CRB1: variants seen among roughly 807,000 people sequenced by gnomAD.
CRB1 encodes the protein protein crumbs homolog 1.
A neutral mutation model predicts 120.0 loss-of-function variants in CRB1; 83 were observed. The ratio of observed to expected loss-of-function variants is 0.69; its 90% CI spans 0.58 to 0.83. The LOEUF (loss-of-function observed/expected upper bound fraction) is 0.83. Among genes scored for constraint, CRB1 ranks in the 40% least tolerant of loss-of-function variants. The pLI, the probability that CRB1 is intolerant of heterozygous loss-of-function variation, is 0.00. For missense variants in CRB1, 1,699 were observed against 1,687.6 expected, an observed-to-expected ratio of 1.01 and a Z score of -0.12; for synonymous variants, 625 against 612.5, an observed-to-expected ratio of 1.02 and a Z score of -0.30.
At chr1:197,321,343 A>C (rs1212193334) in intron 1 of CRB1, among the ~76,000 whole-genome samples, 2 of 152,262 alleles carry the variant, frequency 1.3e-5, no homozygotes, top group African/African-American at 4.8e-5. Flanking sequence ...TTAGCTGAAT[A>C]AAAAGAAAAT....
At chr1:197,313,146 G>A (rs1392368644) in intron 1 of CRB1, among the ~76,000 whole-genome samples, 1 of 152,156 alleles carries the variant, frequency 6.6e-6, no homozygotes, top group African/African-American at 2.4e-5. Flanking sequence ...AAGAGAATGT[G>A]TGGTGGAGGG....
At position 197,356,865 on chromosome 1, in the gene CRB1, T is replaced by C. The variant is rs1064797127; in HGVS notation, c.1023T>C (p.Asn341=). The change falls in exon 5 of 12, where the codon AAT becomes AAC. Residue 341 remains asparagine, a synonymous_variant. Transcript: ENST00000367400. The part of the protein sequence containing the change: ...YTGAQCEIDL[N]ECNSNPCQSN... ...GTGCCCAGTGTGAGATCGACCTCAA[T>C]GAATGCAATAGTAACCCCTGCCAGT... 6.2e-6 allele frequency: 10 copies of C among 1,614,084 alleles called. No individual in the cohort carries two copies. Among genetic ancestry groups the C allele is most frequent in the Non-Finnish European group, 8.5e-6 (10 of 1,180,038 alleles).
At position 197,382,483 on chromosome 1, in the gene CRB1, T is replaced by C. The variant is rs112690386; in HGVS notation, c.1171+25470T>C. ...TTTAATTTGATAATTCATCCAGTAA[T>C]TTATTTATTTACTGATAAGAAAGGA... On this transcript the variant is annotated intron_variant, in intron 5 of 11. Coordinates refer to ENST00000367400, the MANE Select transcript of CRB1 (RefSeq NM_201253.3). Among the ~76,000 whole-genome samples the C allele has an allele frequency of 1.9e-3, 289 of 152,328 alleles. 1 individual carries two copies. The highest frequency in any genetic ancestry group is 6.6e-3 in the African/African-American group (275 of 41,576).
the CRB1 span, among the ~76,000 whole-genome samples, chr1:197,221,769 G>A: frequency 0.01 from 1,575 of 152,176 alleles, 7 homozygotes; most frequent in Non-Finnish European, 0.018. Context: ...GGGTGGTGGT[G>A]GAATGACTTT....
chr1:197,278,490 C>T (rs973898130), intron 1 of CRB1, among the ~76,000 whole-genome samples: 1 of 151,872 alleles, frequency 6.6e-6, no homozygotes, highest in African/African-American at 2.4e-5. Flanking sequence ...AGGGGCATTC[C>T]CTTTTAGAGA....
chr1:197,202,962 G>GGTGTGTGTGT, the CRB1 span, among the ~76,000 whole-genome samples: 998 of 147,638 alleles, frequency 6.8e-3, 9 homozygotes, highest in African/African-American at 0.023. Flanking sequence ...ATGTCTTTGT[G>GGTGTGTGTGT]GTGTGTGTGT....
At chr1:197,208,529 A>G in the CRB1 span, among the ~76,000 whole-genome samples, 3 of 152,144 alleles carry the variant, frequency 2.0e-5, no homozygotes, top group Non-Finnish European at 4.4e-5. Context: ...ACCAGGCTCC[A>G]GAAGTGTCTG....
chr1:197,414,190 C>T (rs544385380), intron 5 of CRB1, among the ~76,000 whole-genome samples: 130 of 152,076 alleles, frequency 8.5e-4, no homozygotes, highest in Non-Finnish European at 1.7e-3. Context: ...ACTTTGATTT[C>T]TATTTATTAA....
At chr1:197,354,769 G>C (rs900737047) in intron 4 of CRB1, among the ~76,000 whole-genome samples, 1 of 115,146 alleles carries the variant, frequency 8.7e-6, no homozygotes, top group East Asian at 3.2e-4. Context: ...TCAGCACGTT[G>C]CCACTGCTGG....
At chr1:197,413,999 A>G (rs1338794182) in intron 5 of CRB1, 1 of 456,076 alleles carries the variant, frequency 2.2e-6, no homozygotes, top group Non-Finnish European at 4.4e-6. Flanking sequence ...CAATGCTCAT[A>G]GGTAACTAAC....
chr1:197,222,518 G>A, the CRB1 span: 8 of 768,192 alleles, frequency 1.0e-5, no homozygotes, highest in Admixed American at 1.2e-4. Flanking sequence ...ATGCAGTTCC[G>A]TTTGGTCTTG....
intron 11 of CRB1, among the ~76,000 whole-genome samples, chr1:197,469,528 T>C (rs1461613811): frequency 6.6e-6 from 1 of 152,204 alleles, no homozygotes; most frequent in Non-Finnish European, 1.5e-5. Flanking sequence ...AGGATGTGCT[T>C]TGAAAACTAC....
intron 5 of CRB1, among the ~76,000 whole-genome samples, chr1:197,405,879 C>T (rs558580843): frequency 1.4e-4 from 21 of 151,578 alleles, no homozygotes; most frequent in African/African-American, 3.6e-4. Flanking sequence ...GTCTCCGCCC[C>T]GCAGCCACCC....
Position 197,442,232 on chromosome 1 carries a change from A to C in CRB1, c.3945A>C (p.Leu1315Phe). The change falls in exon 11 of 12, where the codon TTA (leucine) becomes TTC (phenylalanine). Residue 1315 changes from leucine to phenylalanine, a missense_variant. Physicochemically the swap from Leu to Phe is conservative, Grantham distance 22. Transcript: ENST00000367400. ...PCVNGGLCQDLLNKFQCLCDV... is the reference protein window; with the variant it reads ...PCVNGGLCQDFLNKFQCLCDV... ...TCAATGGAGGTCTGTGCCAGGACTT[A>C]CTCAACAAATTCCAGTGCCTCTGTG... 1 of 1,614,164 alleles carries C rather than the reference A, an allele frequency of 6.2e-7. No individual in the cohort carries two copies. The highest frequency in any genetic ancestry group is 8.5e-7 in the Non-Finnish European group (1 of 1,180,034).
In CRB1 at chr1:197,427,872, A is replaced by G. The variant is rs770996307; in HGVS notation, c.2547A>G (p.Lys849=). Residue 849 remains lysine (K), a synonymous_variant, in exon 7 of 12, where the codon AAA becomes AAG. Coordinates refer to ENST00000367400, the MANE Select transcript of CRB1 (RefSeq NM_201253.3). ...QETELNGGFF[K]GCIQDVRLNN... ...CTGAACTTAATGGTGGATTCTTCAAAGGCTGTATCCAAGATGTAAGACTAA... is the reference window on the plus strand; with the variant it reads ...CTGAACTTAATGGTGGATTCTTCAAGGGCTGTATCCAAGATGTAAGACTAA... The G allele has an allele frequency of 6.8e-6, 11 of 1,613,938 alleles. No homozygotes were observed. Among genetic ancestry groups the G allele is most frequent in the Non-Finnish European group, 9.3e-6 (11 of 1,179,980 alleles).
At chr1:197,351,811 T>C (rs1660127770) in intron 4 of CRB1, among the ~76,000 whole-genome samples, 1 of 152,180 alleles carries the variant, frequency 6.6e-6, no homozygotes, top group Non-Finnish European at 1.5e-5. Flanking sequence ...GTTCTGCCTC[T>C]GGGTTTCTGC....
At chr1:197,323,510 G>C (rs1483956403) in intron 1 of CRB1, among the ~76,000 whole-genome samples, 5 of 151,996 alleles carry the variant, frequency 3.3e-5, no homozygotes, top group South Asian at 2.1e-4. Context: ...TAGTAAAAGG[G>C]GTCATTCAAA....
rs537374176 is a variant in CRB1, at chr1:197,433,722, T to C, written c.2843-984T>C. Among the ~76,000 whole-genome samples the C allele has an allele frequency of 1.7e-4, 26 of 151,894 alleles. No individual in the cohort carries two copies. The East Asian group carries it at 5.0e-3, about 29-fold the overall frequency. The stretch of plus-strand genomic sequence containing the variant: ...GGAAACAACAAAATGGAAGGGGAAA[T>C]GATGATGCAAGAAAGAAAAAGAATG... On this transcript the variant is annotated intron_variant, in intron 8 of 11. Transcript: ENST00000367400.
chr1:197,470,909 C>G (rs746029030), intron 11 of CRB1, among the ~76,000 whole-genome samples: 9 of 152,326 alleles, frequency 5.9e-5, no homozygotes, highest in Non-Finnish European at 1.2e-4. Flanking sequence ...TCACTGGGCC[C>G]TTTCCCTAAA....
Sources: gnomAD v4.1 joint callset for allele counts (sites outside exome capture counted in the v4.1 genomes callset) on GRCh38, gnomAD v4.1.1 for gene constraint, MANE v1.5 for transcripts, NCBI Gene and HGNC (gene_info 2026-07-23, HGNC 2026-07-21) for gene names.